Variants in FRMPD4 observed in about 807,000 individuals in gnomAD.
The protein encoded by FRMPD4 is FERM and PDZ domain-containing protein 4.
Under a neutral mutation model 94.1 loss-of-function variants are expected in FRMPD4, and 22 were observed. That is an observed-to-expected ratio of 0.23 (90% CI 0.17 to 0.33). The LOEUF is 0.33. Among genes scored for constraint, FRMPD4 ranks in the 10% least tolerant of loss-of-function variants. The pLI, the probability that FRMPD4 is intolerant of heterozygous loss-of-function variation, is 1.00. For missense variants in FRMPD4, 1,111 were observed against 1,339.9 expected (o/e 0.83, Z 2.67); for synonymous variants, 631 against 548.6 (o/e 1.15, Z -2.10).
chrX:12,630,476 A>G (rs968566238), intron 4 of FRMPD4, among the ~76,000 whole-genome samples: 15 of 112,457 alleles, frequency 1.3e-4, no homozygotes, highest in African/African-American at 4.2e-4. Flanking sequence ...CAACCTGAAG[A>G]TAAGAGTGTA....
At chrX:12,123,661 T>C (rs1345710287) in intron 3 of FRMPD4, among the ~76,000 whole-genome samples, 2 of 111,713 alleles carry the variant, frequency 1.8e-5, no homozygotes, top group Non-Finnish European at 3.8e-5. Flanking sequence ...GGGGCTGTCT[T>C]GTATATTGTT....
Position 12,498,715 on chromosome X carries a change from C to T in FRMPD4, c.77C>T (p.Ser26Leu), listed in dbSNP as rs757018931. 35 of 1,202,381 alleles carry T rather than the reference C, an allele frequency of 2.9e-5. No individual in the cohort carries two copies. The highest frequency in any genetic ancestry group is 3.3e-5 in the Non-Finnish European group (29 of 889,140). Residue 26 changes from serine (S) to leucine (L), a missense_variant, in exon 2 of 17, where the codon TCG becomes TTG. Around this residue, in one of 8 missense-constraint regions of FRMPD4, gnomAD observed 140 missense variants for 165.9 expected, o/e 0.84. Coordinates refer to ENST00000675598, the MANE Select transcript of FRMPD4 (RefSeq NM_001368397.1). The stretch of plus-strand genomic sequence containing the variant: ...AAGTCTTCAGGCTGGCCGCCTCCCT[C>T]GGGAACCTGGGGCTTGAGCCAGGTG... ...RTKSSGWPPP[S>L]GTWGLSQVPP... is the part of the protein sequence containing the mutation.
chrX:12,583,687 T>C (rs2058892656), intron 2 of FRMPD4, among the ~76,000 whole-genome samples: 1 of 112,993 alleles, frequency 8.9e-6, no homozygotes, highest in East Asian at 2.8e-4. Flanking sequence ...GCGGTCCAGC[T>C]GGTTGCCATC....
intron 1 of FRMPD4, among the ~76,000 whole-genome samples, chrX:12,424,549 T>A (rs2056923968): frequency 8.9e-6 from 1 of 112,408 alleles, no homozygotes; most frequent in African/African-American, 3.2e-5. Context: ...CCTGGGGATC[T>A]TGTTAAAATA....
chrX:11,895,484 G>A (rs1305651888), intron 3 of FRMPD4, among the ~76,000 whole-genome samples: 4 of 111,286 alleles, frequency 3.6e-5, no homozygotes, highest in Non-Finnish European at 7.5e-5. Context: ...ACTTGATCAA[G>A]GGGGAGAAGG....
chrX:12,046,628 C>T (rs2054786950), intron 3 of FRMPD4, among the ~76,000 whole-genome samples: 1 of 111,658 alleles, frequency 9.0e-6, no homozygotes, highest in Non-Finnish European at 1.9e-5. Flanking sequence ...GGGAAACATA[C>T]TTACAGGTTT....
chrX:12,454,626 G>A (rs981892497), intron 1 of FRMPD4, among the ~76,000 whole-genome samples: 1 of 109,542 alleles, frequency 9.1e-6, no homozygotes, highest in Non-Finnish European at 1.9e-5. Flanking sequence ...GCAAGCCCAC[G>A]TGAGGAGTTA....
chrX:11,892,580 C>T (rs760985631), intron 3 of FRMPD4, among the ~76,000 whole-genome samples: 6 of 111,845 alleles, frequency 5.4e-5, no homozygotes, highest in Non-Finnish European at 9.4e-5. Flanking sequence ...CAAAATCTGC[C>T]GGACAGGAAA....
intron 1 of FRMPD4, among the ~76,000 whole-genome samples, chrX:12,422,463 TG>T (rs1456702915): frequency 1.8e-5 from 2 of 112,219 alleles, no homozygotes; most frequent in Non-Finnish European, 1.9e-5. Context: ...TTTATTCATC[TG>T]AAAAATTGGG....
chrX:11,876,354 A>AT (rs200664583), intron 2 of FRMPD4, among the ~76,000 whole-genome samples: 5,128 of 97,909 alleles, frequency 0.052, 322 homozygotes, highest in African/African-American at 0.17. Context: ...TTTTTTCCTC[A>AT]TTTTTTTTTT....
At chrX:12,268,319 G>T (rs1358714722) in intron 1 of FRMPD4, among the ~76,000 whole-genome samples, 1 of 112,480 alleles carries the variant, frequency 8.9e-6, no homozygotes, top group Non-Finnish European at 1.9e-5. Flanking sequence ...AGATACTCAT[G>T]AGTGGTAGCA....
chrX:11,973,684 T>C (rs2054352642), intron 3 of FRMPD4, among the ~76,000 whole-genome samples: 1 of 112,214 alleles, frequency 8.9e-6, no homozygotes, highest in Non-Finnish European at 1.9e-5. Context: ...TTTTGTCTTT[T>C]GTATTCTTCT....
At chrX:12,078,899 T>C (rs572568406) in intron 3 of FRMPD4, among the ~76,000 whole-genome samples, 46 of 111,635 alleles carry the variant, frequency 4.1e-4, no homozygotes, top group South Asian at 1.1e-3. Context: ...TCAACCTCAA[T>C]TGAGATCCAC....
At chrX:12,066,541 A>T (rs1370751319) in intron 3 of FRMPD4, among the ~76,000 whole-genome samples, 1 of 111,711 alleles carries the variant, frequency 9.0e-6, no homozygotes, top group Non-Finnish European at 1.9e-5. Flanking sequence ...TTCTGTTTGC[A>T]CTTTAACAAA....
intron 3 of FRMPD4, among the ~76,000 whole-genome samples, chrX:11,971,060 TC>T (rs2054337539): frequency 8.9e-6 from 1 of 112,288 alleles, no homozygotes. Flanking sequence ...CTACTGGGCG[TC>T]CTACATTTCT....
chrX:12,711,343 C>G (rs1340359869), intron 14 of FRMPD4, among the ~76,000 whole-genome samples: 1 of 111,608 alleles, frequency 9.0e-6, no homozygotes, highest in Non-Finnish European at 1.9e-5. Context: ...AGCACTCGGA[C>G]TTGGGAACAC....
intron 1 of FRMPD4, chrX:12,375,078 T>C (rs929869032): frequency 2.7e-5 from 3 of 112,362 alleles, no homozygotes; most frequent in African/African-American, 9.7e-5. Context: ...AGACTTGGCT[T>C]GTCCATTTGC....
chrX:12,659,375 C>T (rs766775980), intron 4 of FRMPD4, among the ~76,000 whole-genome samples: 5 of 112,693 alleles, frequency 4.4e-5, no homozygotes, highest in East Asian at 2.8e-4. Flanking sequence ...CCTCTTTAGA[C>T]GGTAAGCTCT....
intron 1 of FRMPD4, among the ~76,000 whole-genome samples, chrX:12,405,059 C>T (rs370758944): frequency 9.0e-6 from 1 of 111,384 alleles, no homozygotes; most frequent in East Asian, 2.8e-4. Flanking sequence ...ATGCTCAGGC[C>T]CCACCCTAAA....
Sources: gnomAD v4.1 joint callset for allele counts (sites outside exome capture counted in the v4.1 genomes callset) on GRCh38, gnomAD v4.1.1 for gene constraint, gnomAD v4.1.1 regional missense constraint, MANE v1.5 for transcripts, NCBI Gene and HGNC (gene_info 2026-07-23, HGNC 2026-07-21) for gene names.